Variants in G2E3 observed in about 807,000 individuals in gnomAD.
G2E3 encodes the protein G2/M phase-specific E3 ubiquitin-protein ligase.
Under a neutral mutation model 92.8 loss-of-function variants are expected in G2E3, and 35 were observed. The ratio of observed to expected loss-of-function variants is 0.38; its 90% CI spans 0.29 to 0.50. The LOEUF is 0.50. G2E3 is among the 20% of genes least tolerant of loss of function. The probability of loss-of-function intolerance (pLI) is 0.94; values close to 1 mark genes in which losing one functional copy is unlikely to be tolerated. For synonymous variants in G2E3, 242 were observed against 272.4 expected (o/e 0.89, Z 1.10); for missense variants, 554 against 823.8 (o/e 0.67, Z 4.01).
At chr14:30,604,872 C>CTTCATTCATTCATTCA (rs138039664) in intron 10 of G2E3, among the ~76,000 whole-genome samples, 1 of 147,168 alleles carries the variant, frequency 6.8e-6, no homozygotes, top group Non-Finnish European at 1.5e-5. Context: ...TTTGAGCTTG[C>CTTCATTCATTCATTCA]TTCATTCATT....
Position 30,597,457 on chromosome 14 carries a change from G to T in G2E3, c.566G>T (p.Cys189Phe), listed in dbSNP as rs747433491. 1.9e-6 allele frequency: 3 copies of T among 1,598,034 alleles called. No homozygotes were observed. Among genetic ancestry groups the T allele is most frequent in the Non-Finnish European group, 8.6e-7 (1 of 1,165,648 alleles). ...AINAGVFFFR[C>F]TICNNSDIFQ... The stretch of plus-strand genomic sequence containing the variant: ...AATGCGGGAGTGTTTTTCTTTAGGT[G>T]TACAATATGCAATAATAGTGACATC... Residue 189 changes from cysteine to phenylalanine, a missense_variant, in exon 7 of 15, where the codon TGT (cysteine) becomes TTT (phenylalanine). Transcript: ENST00000206595.
rs1555336413 is a variant in G2E3 at position 30,563,736 on chromosome 14, T to TGTGA, written c.-5+4465_-5+4468dup. ...GTGTGTGTGTGTGTGTGTGTGTGTGTGTGATATAGAGTCTCACTCTGTTGC... is the reference window on the plus strand; with the variant it reads ...GTGTGTGTGTGTGTGTGTGTGTGTGTGTGAGTGATATAGAGTCTCACTCTGTTGC... On this transcript the variant is annotated intron_variant, in intron 1 of 14. Transcript: ENST00000206595. Among the ~76,000 whole-genome samples, 450 of 142,492 alleles carry TGTGA rather than the reference T, an allele frequency of 3.2e-3. 3 individuals are homozygous for TGTGA. Among genetic ancestry groups the TGTGA allele is most frequent in the African/African-American group, 0.011 (409 of 38,610 alleles). The allele number at this position is 142,492 out of a possible 152,430, so 93.5% of individuals were successfully genotyped here. A position where few individuals can be genotyped will look rare whatever the true frequency, so the allele number is the denominator to read the frequency against.
At chr14:30,584,677 T>C (rs537820265) in intron 2 of G2E3, among the ~76,000 whole-genome samples, 1 of 152,330 alleles carries the variant, frequency 6.6e-6, no homozygotes, top group South Asian at 2.1e-4. Flanking sequence ...GCTCTTTGTA[T>C]ATCTTCTTTG....
chr14:30,603,304 G>A (rs1178200433), intron 10 of G2E3, among the ~76,000 whole-genome samples: 1 of 146,912 alleles, frequency 6.8e-6, no homozygotes, highest in Admixed American at 6.8e-5. Flanking sequence ...CCAGCCTGGT[G>A]ACAGAGCCGA....
At chr14:30,574,080 A>G (rs1194665064) in intron 1 of G2E3, among the ~76,000 whole-genome samples, 1 of 151,862 alleles carries the variant, frequency 6.6e-6, no homozygotes, top group African/African-American at 2.4e-5. Context: ...TAGATTAACC[A>G]CTCTTTATTA....
intron 2 of G2E3, among the ~76,000 whole-genome samples, chr14:30,584,204 A>G (rs953124632): frequency 6.6e-5 from 10 of 152,234 alleles, no homozygotes; most frequent in African/African-American, 2.2e-4. Context: ...ATGTATTACT[A>G]CTTTCATCCT....
intron 1 of G2E3, among the ~76,000 whole-genome samples, chr14:30,569,828 A>G (rs1444417869): frequency 6.6e-6 from 1 of 152,214 alleles, no homozygotes; most frequent in Non-Finnish European, 1.5e-5. Flanking sequence ...AGCAAGAGCA[A>G]CTTCCAGAAG....
intron 1 of G2E3, among the ~76,000 whole-genome samples, chr14:30,563,680 G>T (rs1879251995): frequency 6.7e-6 from 1 of 148,156 alleles, no homozygotes; most frequent in Non-Finnish European, 1.5e-5. Context: ...ATGTAAACTT[G>T]TAACTTTGTT....
intron 11 of G2E3, among the ~76,000 whole-genome samples, chr14:30,606,048 TTAAAA>T (rs1881817503): frequency 6.6e-6 from 1 of 152,134 alleles, no homozygotes; most frequent in Non-Finnish European, 1.5e-5. Flanking sequence ...AATATTCTCC[TTAAAA>T]TAATCCATAA....
chr14:30,601,572 A>G (rs533593357), intron 8 of G2E3, among the ~76,000 whole-genome samples, 198 bp from the exon 9 acceptor site: 100 of 152,336 alleles, frequency 6.6e-4, no homozygotes, highest in African/African-American at 2.3e-3. Context: ...TTGTATGTGC[A>G]TATGAGTGTG....
At chr14:30,564,773 C>G (rs900053390) in intron 1 of G2E3, among the ~76,000 whole-genome samples, 4 of 152,144 alleles carry the variant, frequency 2.6e-5, no homozygotes, top group African/African-American at 9.7e-5. Context: ...TCAAGGTTAT[C>G]TATGTTGTAG....
At chr14:30,592,481 G>A (rs1286323771) in intron 5 of G2E3, 34 bp downstream of exon 5, 3 of 1,497,452 alleles carry the variant, frequency 2.0e-6, no homozygotes, top group African/African-American at 1.4e-5. Flanking sequence ...TGAAAGTTCA[G>A]TGTTAAAGAA....
chr14:30,571,827 C>A (rs1369774344), intron 1 of G2E3, among the ~76,000 whole-genome samples: 1 of 151,784 alleles, frequency 6.6e-6, no homozygotes, highest in Non-Finnish European at 1.5e-5. Flanking sequence ...TAACATAGCT[C>A]TATAAGAAGT....
intron 10 of G2E3, chr14:30,602,708 C>G (rs1309167284): frequency 6.6e-6 from 1 of 152,140 alleles, no homozygotes; most frequent in Non-Finnish European, 1.5e-5. Context: ...ACCTCCTGGG[C>G]ACAAGTGATC....
In G2E3 at chr14:30,607,961, T is replaced by C; in HGVS notation, c.1392T>C (p.Pro464=). ...CTTTAGTTCACGGTGGTCCTTCACC[T>C]GGTTTCTTTTCTAAAACCTTGTTTA... ...AISLVHGGPS[P]GFFSKTLFNC... Residue 464 remains proline, a synonymous_variant, in exon 12 of 15, where the codon CCT becomes CCC. Transcript: ENST00000206595. The C allele has an allele frequency of 6.2e-7, 1 of 1,607,410 alleles. No individual in the cohort carries two copies. The highest frequency in any genetic ancestry group is 8.5e-7 in the Non-Finnish European group (1 of 1,177,082).
chr14:30,562,945 C>G (rs543712312), intron 1 of G2E3, among the ~76,000 whole-genome samples: 2 of 152,356 alleles, frequency 1.3e-5, no homozygotes, highest in Admixed American at 6.5e-5. Flanking sequence ...AGATGGCTCA[C>G]TGCCCCTTTG....
chr14:30,568,312 A>G (rs1879557983), intron 1 of G2E3, among the ~76,000 whole-genome samples: 1 of 152,126 alleles, frequency 6.6e-6, no homozygotes, highest in African/African-American at 2.4e-5. Context: ...TGATATCTAT[A>G]GCTTGACCCT....
At chr14:30,563,003 C>T (rs116009638) in intron 1 of G2E3, among the ~76,000 whole-genome samples, 1 of 152,220 alleles carries the variant, frequency 6.6e-6, no homozygotes, top group African/African-American at 2.4e-5. Context: ...GGGGCCACTA[C>T]CAGTCTCCGT....
chr14:30,584,253 A>G (rs766427129), intron 2 of G2E3, among the ~76,000 whole-genome samples: 58 of 152,158 alleles, frequency 3.8e-4, no homozygotes, highest in Admixed American at 1.8e-3. Flanking sequence ...TGGGCATACC[A>G]TATTTTGTTT....
Sources: gnomAD v4.1 joint callset for allele counts (sites outside exome capture counted in the v4.1 genomes callset) on GRCh38, gnomAD v4.1.1 for gene constraint, MANE v1.5 for transcripts, NCBI Gene and HGNC (gene_info 2026-07-23, HGNC 2026-07-21) for gene names.